The following LRRTM4 variants were observed in gnomAD, a reference collection of about 807,000 sequenced individuals.
LRRTM4 encodes leucine-rich repeat transmembrane neuronal protein 4.
In LRRTM4, 25 loss-of-function variants were observed where a neutral mutation model predicts 47.6. That is an observed-to-expected ratio of 0.53 (90% CI 0.38 to 0.73). The LOEUF is 0.73. Among genes scored for constraint, LRRTM4 ranks in the 30% least tolerant of loss-of-function variants. The pLI is 0.00. For missense variants in LRRTM4, 638 were observed against 713.4 expected (o/e 0.89, Z 1.20); for synonymous variants, 311 against 269.5 (o/e 1.15, Z -1.51).
intron 3 of LRRTM4, among the ~76,000 whole-genome samples, chr2:76,948,791 T>C (rs937903276): frequency 4.6e-5 from 7 of 151,854 alleles, no homozygotes; most frequent in Non-Finnish European, 8.8e-5. Context: ...CATTTAAACA[T>C]TGAACTGCAA....
intron 3 of LRRTM4, among the ~76,000 whole-genome samples, chr2:77,446,697 A>G (rs1018682199): frequency 5.3e-5 from 8 of 152,018 alleles, no homozygotes; most frequent in Non-Finnish European, 1.2e-4. Flanking sequence ...TTCAGCCATA[A>G]CAAGACAGCA....
intron 3 of LRRTM4, among the ~76,000 whole-genome samples, chr2:77,377,701 T>C (rs534694134): frequency 2.0e-5 from 3 of 152,162 alleles, no homozygotes; most frequent in South Asian, 2.1e-4. Context: ...CTGAATATTA[T>C]AAAATCCTTT....
chr2:77,461,757 T>C (rs1676797025), intron 3 of LRRTM4, among the ~76,000 whole-genome samples: 1 of 152,100 alleles, frequency 6.6e-6, no homozygotes, highest in Non-Finnish European at 1.5e-5. Context: ...CATGCCCTGC[T>C]CTGGCTGATT....
chr2:77,362,115 G>GAA (rs1332592144), intron 3 of LRRTM4, among the ~76,000 whole-genome samples: 10 of 98,838 alleles, frequency 1.0e-4, no homozygotes, highest in Admixed American at 3.3e-4. Context: ...GAAAGAAAGA[G>GAA]AGAAAGAAAG....
intron 3 of LRRTM4, among the ~76,000 whole-genome samples, chr2:76,757,578 C>T (rs935241594): frequency 4.0e-4 from 61 of 152,214 alleles, no homozygotes; most frequent in African/African-American, 1.1e-3. Context: ...GGCTTTCCTT[C>T]GGTAGCTCTG....
intron 3 of LRRTM4, among the ~76,000 whole-genome samples, chr2:77,375,629 A>G (rs775751639): frequency 9.9e-5 from 15 of 151,612 alleles, no homozygotes; most frequent in South Asian, 2.1e-4. Flanking sequence ...GCACCATTCT[A>G]TTCTCTGCTT....
intron 3 of LRRTM4, among the ~76,000 whole-genome samples, chr2:77,206,037 T>C (rs762544190): frequency 1.3e-5 from 2 of 152,006 alleles, no homozygotes; most frequent in African/African-American, 4.8e-5. Context: ...AGGCAGGGTA[T>C]CACTATGTTG....
chr2:76,795,654 G>T (rs943340115), intron 3 of LRRTM4, among the ~76,000 whole-genome samples: 2 of 151,772 alleles, frequency 1.3e-5, no homozygotes, highest in African/African-American at 2.4e-5. Context: ...CCATCTCTTG[G>T]CTATTATGAA....
chr2:77,153,238 C>G lies in LRRTM4; in HGVS notation c.1551+365080G>C, dbSNP rs189023118. ...AGGTGTGTCAGATTAGTGCTATGTA[C>G]TTAATAGTCATCTGTGTGCTGCAAC... On this transcript the variant is annotated intron_variant, in intron 3 of 3. Coordinates refer to ENST00000409884, the MANE Select transcript of LRRTM4 (RefSeq NM_001134745.3). Among the ~76,000 whole-genome samples the G allele has an allele frequency of 7.6e-4, 116 of 152,216 alleles. 1 individual carries two copies. The highest frequency in any genetic ancestry group is 6.2e-3 in the South Asian group (30 of 4,824).
intron 3 of LRRTM4, among the ~76,000 whole-genome samples, chr2:77,251,328 T>G (rs5018507): frequency 0.55 from 82,553 of 150,482 alleles, 23,015 homozygotes; most frequent in African/African-American, 0.6. Context: ...ATAAAAAAGC[T>G]AAATGCACTT....
intron 3 of LRRTM4, among the ~76,000 whole-genome samples, chr2:77,413,963 C>A (rs1674540079): frequency 6.6e-6 from 1 of 152,074 alleles, no homozygotes; most frequent in Admixed American, 6.6e-5. Context: ...ATCAATGAGA[C>A]TTTCCTGTAA....
chr2:77,404,085 G>A (rs1268793518), intron 3 of LRRTM4, among the ~76,000 whole-genome samples: 6 of 151,794 alleles, frequency 4.0e-5, no homozygotes, highest in African/African-American at 1.2e-4. Flanking sequence ...TGTCTTGCCT[G>A]GATAAATATG....
At chr2:77,520,583 A>C (rs1419759242) in intron 2 of LRRTM4, among the ~76,000 whole-genome samples, 1 of 152,136 alleles carries the variant, frequency 6.6e-6, no homozygotes, top group Non-Finnish European at 1.5e-5. Context: ...ATAACAGAGA[A>C]CACTCCAAAG....
chr2:77,070,740 C>T (rs539283567), intron 3 of LRRTM4, among the ~76,000 whole-genome samples: 22 of 152,082 alleles, frequency 1.4e-4, no homozygotes, highest in Non-Finnish European at 3.1e-4. Context: ...AAGCAATTCT[C>T]CTGCCTCAAC....
chr2:76,916,901 C>A (rs1674271367), intron 3 of LRRTM4, among the ~76,000 whole-genome samples: 1 of 152,080 alleles, frequency 6.6e-6, no homozygotes, highest in Admixed American at 6.6e-5. Flanking sequence ...TTTATAAAAC[C>A]ATCACATTGC....
chr2:77,319,862 A>C (rs1351357519), intron 3 of LRRTM4, among the ~76,000 whole-genome samples: 2 of 152,226 alleles, frequency 1.3e-5, no homozygotes, highest in African/African-American at 2.4e-5. Flanking sequence ...TATATGCTTT[A>C]CATCTGGGAT....
At chr2:77,337,924 C>G (rs1321795802) in intron 3 of LRRTM4, among the ~76,000 whole-genome samples, 1 of 152,028 alleles carries the variant, frequency 6.6e-6, no homozygotes, top group East Asian at 1.9e-4. Context: ...ATAGAGAACC[C>G]AGAAATAAAG....
intron 3 of LRRTM4, among the ~76,000 whole-genome samples, chr2:76,870,670 GA>G (rs1672598681): frequency 6.6e-6 from 1 of 152,052 alleles, no homozygotes; most frequent in Admixed American, 6.6e-5. Context: ...TCAAGTTCAT[GA>G]AAAGTTAAAC....
intron 3 of LRRTM4, among the ~76,000 whole-genome samples, chr2:77,413,078 G>C (rs1210481332): frequency 6.6e-6 from 1 of 152,060 alleles, no homozygotes. Flanking sequence ...CAACTATAGG[G>C]GTGATTTGCT....
Sources: gnomAD v4.1 joint callset for allele counts (sites outside exome capture counted in the v4.1 genomes callset) on GRCh38, gnomAD v4.1.1 for gene constraint, MANE v1.5 for transcripts, NCBI Gene and HGNC (gene_info 2026-07-23, HGNC 2026-07-21) for gene names.